The following ROBO2 variants were observed in gnomAD, a reference collection of about 807,000 sequenced individuals.
ROBO2 encodes the protein roundabout homolog 2.
In ROBO2, 53 loss-of-function variants were observed where a neutral mutation model predicts 160.8. That is an observed-to-expected ratio of 0.33 (90% confidence interval 0.26 to 0.41). ROBO2 has a LOEUF of 0.41. Ranked by LOEUF, ROBO2 falls within the 10% of genes least tolerant of loss-of-function variation. ROBO2 has a pLI of 1.00. For missense variants in ROBO2, 1,577 were observed against 1,722.4 expected, an observed-to-expected ratio of 0.92 and a Z score of 1.49; for synonymous variants, 664 against 611.7, an observed-to-expected ratio of 1.09 and a Z score of -1.26.
At chr3:77,612,714 A>G (rs777915988) in intron 21 of ROBO2, among the ~76,000 whole-genome samples, 5 of 152,272 alleles carry the variant, frequency 3.3e-5, no homozygotes, top group Admixed American at 2.0e-4. Context: ...TGGGAGGCCA[A>G]GATGGGCAGA....
At chr3:76,125,627 T>C (rs1054406386) in intron 2 of ROBO2, among the ~76,000 whole-genome samples, 2 of 152,058 alleles carry the variant, frequency 1.3e-5, no homozygotes, top group African/African-American at 2.4e-5. Flanking sequence ...TTCACATGTT[T>C]GTTGGCCACA....
chr3:76,420,223 T>C (rs3849490), intron 2 of ROBO2, among the ~76,000 whole-genome samples: 96,616 of 152,006 alleles, frequency 0.64, 31,186 homozygotes, highest in African/African-American at 0.76. Context: ...CTATCTTTCC[T>C]AGGCTGATCT....
intron 2 of ROBO2, among the ~76,000 whole-genome samples, chr3:76,089,810 C>T (rs758829544): frequency 4.9e-4 from 75 of 151,998 alleles, no homozygotes; most frequent in Non-Finnish European, 9.1e-4. Context: ...TTTCCAAGAT[C>T]GTACTGGAAG....
Position 77,415,499 on chromosome 3 carries a change from G to A in ROBO2, c.389-61915G>A, listed in dbSNP as rs186564279. ...TAAGGAAGTGACAATGACACAGGGC[G>A]CTTTCAGCTCCACTTCACCAGCCAG... On this transcript the variant is annotated intron_variant, in intron 2 of 25. Transcript: ENST00000461745. 1.3e-4 allele frequency among the ~76,000 whole-genome samples: 20 copies of A among 152,288 alleles called. No homozygotes were observed. The East Asian group carries it at 2.1e-3, about 16-fold the overall frequency.
In ROBO2 at chr3:77,014,415, T is replaced by TTA. The variant is rs1427151081; in HGVS notation, c.110-83599_110-83598insTA. Among the ~76,000 whole-genome samples the TTA allele has an allele frequency of 3.3e-5, 5 of 152,152 alleles. No individual in the cohort carries two copies. The East Asian group carries it at 9.7e-4, about 29-fold the overall frequency. ...GTCCATCCCCAGCCAGGGCTATGCTTGAATAGAGATCTGACGGAGATACTC... is the reference window on the plus strand; with the variant it reads ...GTCCATCCCCAGCCAGGGCTATGCTTTAGAATAGAGATCTGACGGAGATACTC... On this transcript the variant is annotated intron_variant, in intron 2 of 26. Coordinates refer to the ROBO2 transcript ENST00000487694.
At chr3:77,047,991 G>A (rs2149671791) in intron 1 of ROBO2, among the ~76,000 whole-genome samples, 1 of 152,146 alleles carries the variant, frequency 6.6e-6, no homozygotes, top group South Asian at 2.1e-4. Context: ...AACTGGCAGT[G>A]AGCCGAGATC....
intron 1 of ROBO2, among the ~76,000 whole-genome samples, chr3:77,045,461 A>G (rs375588982): frequency 6.6e-6 from 1 of 152,316 alleles, no homozygotes; most frequent in East Asian, 1.9e-4. Context: ...GCTGTTGTAT[A>G]TACTGTTGAT....
Position 76,632,235 on chromosome 3 carries a change from C to G in ROBO2, c.110-465779C>G, listed in dbSNP as rs79260393. On this transcript the variant is annotated intron_variant, in intron 2 of 26. Transcript: ENST00000487694. ...AACTTCAGTAGAATCCTATAATGTCCTCATCTGTAAATGAGGCTACCCATA... is the reference window on the plus strand; with the variant it reads ...AACTTCAGTAGAATCCTATAATGTCGTCATCTGTAAATGAGGCTACCCATA... 2.4e-4 allele frequency among the ~76,000 whole-genome samples: 36 copies of G among 152,272 alleles called. 1 individual carries two copies. The East Asian group carries it at 6.9e-3, about 29-fold the overall frequency.
intron 2 of ROBO2, among the ~76,000 whole-genome samples, chr3:76,791,997 C>T (rs2063383929): frequency 1.3e-5 from 2 of 151,916 alleles, no homozygotes; most frequent in Non-Finnish European, 2.9e-5. Flanking sequence ...CATTTGCCAA[C>T]ATTTTGGCTG....
At chr3:77,458,869 C>G (rs2081963734) in intron 2 of ROBO2, among the ~76,000 whole-genome samples, 1 of 152,066 alleles carries the variant, frequency 6.6e-6, no homozygotes, top group Admixed American at 6.6e-5. Flanking sequence ...AGTATAAGAT[C>G]TAGAATAAAA....
rs953548701 is a variant in ROBO2 at position 77,427,489 on chromosome 3, C to T, written c.389-49925C>T. Reference sequence around the variant, plus strand: ...TACACCTAGGATTTGAACTCCTGTTCGCACAAAGCATGTATCGTAATTGTT... The same window carrying T: ...TACACCTAGGATTTGAACTCCTGTTTGCACAAAGCATGTATCGTAATTGTT... On this transcript the variant is annotated intron_variant, in intron 2 of 25. Coordinates refer to ENST00000461745, the Ensembl canonical transcript of ROBO2. Among the ~76,000 whole-genome samples the T allele has an allele frequency of 8.5e-5, 13 of 152,136 alleles. No individual in the cohort carries two copies. The South Asian group carries it at 1.2e-3, about 15-fold the overall frequency.
At chr3:76,303,696 AC>A (rs1487070323) in intron 2 of ROBO2, among the ~76,000 whole-genome samples, 1 of 152,170 alleles carries the variant, frequency 6.6e-6, no homozygotes, top group Non-Finnish European at 1.5e-5. Flanking sequence ...ATCAACTAGG[AC>A]CCTCCAATAA....
At chr3:76,309,248 G>A (rs2071463404) in intron 2 of ROBO2, among the ~76,000 whole-genome samples, 1 of 152,074 alleles carries the variant, frequency 6.6e-6, no homozygotes. Context: ...ATAGTGACTG[G>A]AAAAAGAAAA....
At chr3:76,549,422 T>A (rs1474536647) in intron 2 of ROBO2, among the ~76,000 whole-genome samples, 1 of 152,118 alleles carries the variant, frequency 6.6e-6, no homozygotes, top group African/African-American at 2.4e-5. Flanking sequence ...TCTACTGAGA[T>A]TTTTCCTGAG....
intron 2 of ROBO2, among the ~76,000 whole-genome samples, chr3:76,616,284 C>T (rs1379412877): frequency 6.6e-6 from 1 of 152,072 alleles, no homozygotes; most frequent in African/African-American, 2.4e-5. Context: ...ATACTTAATA[C>T]CTAGATCTTG....
At chr3:76,221,706 G>A (rs1470228893) in intron 2 of ROBO2, among the ~76,000 whole-genome samples, 1 of 152,184 alleles carries the variant, frequency 6.6e-6, no homozygotes, top group Non-Finnish European at 1.5e-5. Flanking sequence ...CTGGATGATG[G>A]GGAACATGGT....
At chr3:76,693,206 A>G (rs1159897293) in intron 2 of ROBO2, among the ~76,000 whole-genome samples, 1 of 149,374 alleles carries the variant, frequency 6.7e-6, no homozygotes, top group Non-Finnish European at 1.5e-5. Context: ...TATATAGTGT[A>G]CATACACATA....
chr3:76,855,067 A>G (rs2069895198), intron 2 of ROBO2, among the ~76,000 whole-genome samples: 1 of 152,190 alleles, frequency 6.6e-6, no homozygotes, highest in Non-Finnish European at 1.5e-5. Flanking sequence ...GAGGCACTAA[A>G]AATGCTCATG....
chr3:77,040,878 GCCCCCCA>G, intron 1 of ROBO2, 32 bp downstream of exon 1: 1 of 1,610,772 alleles, frequency 6.2e-7, no homozygotes, highest in Non-Finnish European at 8.5e-7. Context: ...CTTTTTTTGC[GCCCCCCA>G]CCCCCCAATC....
Sources: allele counts gnomAD v4.1 joint callset (sites outside exome capture counted in the v4.1 genomes callset), GRCh38; gene constraint gnomAD v4.1.1; transcripts MANE v1.5; gene names NCBI Gene and HGNC (gene_info 2026-07-23, HGNC 2026-07-21).